Variants in APPBP2 observed in about 807,000 individuals in gnomAD.
The protein encoded by APPBP2 is amyloid protein-binding protein 2.
A neutral mutation model predicts 76.0 loss-of-function variants in APPBP2; 15 were observed. That is an observed-to-expected ratio of 0.20 (90% CI 0.13 to 0.30). APPBP2 has a LOEUF of 0.30. APPBP2 is among the 10% of genes least tolerant of loss of function. APPBP2 has a pLI of 1.00. For missense variants in APPBP2, 401 were observed against 687.2 expected, an observed-to-expected ratio of 0.58 and a Z score of 4.66; for synonymous variants, 222 against 242.2, an observed-to-expected ratio of 0.92 and a Z score of 0.77.
intron 12 of APPBP2, among the ~76,000 whole-genome samples, chr17:60,450,174 G>A (rs1166158612): frequency 2.0e-5 from 3 of 151,348 alleles, no homozygotes; most frequent in Admixed American, 6.6e-5. Flanking sequence ...GGTGGCTCAT[G>A]AGGCCTGTAA....
At chr17:60,451,768 C>T (rs528933353) in intron 12 of APPBP2, 112 bp downstream of exon 12, 13 of 960,062 alleles carry the variant, frequency 1.4e-5, no homozygotes, top group South Asian at 1.8e-5. Flanking sequence ...TATGAGCCAC[C>T]GCACCCAGCC....
intron 3 of APPBP2, among the ~76,000 whole-genome samples, chr17:60,493,645 T>C (rs1243131755): frequency 6.6e-5 from 8 of 121,646 alleles, no homozygotes; most frequent in African/African-American, 4.1e-4. Context: ...TTTTTTTTTC[T>C]TTTTTTTTTT....
At chr17:60,448,292 G>A (rs1567915926) in intron 12 of APPBP2, among the ~76,000 whole-genome samples, 2 of 152,056 alleles carry the variant, frequency 1.3e-5, no homozygotes, top group Admixed American at 6.6e-5. Flanking sequence ...GTGAATACCC[G>A]TCTCTACTAA....
chr17:60,489,080 G>A (rs2090704769), intron 3 of APPBP2, among the ~76,000 whole-genome samples: 1 of 151,926 alleles, frequency 6.6e-6, no homozygotes, highest in East Asian at 1.9e-4. Context: ...AAATTAGCTG[G>A]GTATGGTGGC....
At chr17:60,450,888 G>A (rs991009312) in intron 12 of APPBP2, among the ~76,000 whole-genome samples, 1 of 151,974 alleles carries the variant, frequency 6.6e-6, no homozygotes, top group Non-Finnish European at 1.5e-5. Flanking sequence ...TGTAACCAAC[G>A]AAGGTCTGTC....
At chr17:60,462,196 G>A (rs2090480571) in intron 6 of APPBP2, 135 bp from the exon 7 acceptor site, 1 of 692,086 alleles carries the variant, frequency 1.4e-6, no homozygotes, top group East Asian at 2.6e-5. Flanking sequence ...GGTTCTATTT[G>A]TAATTTCTTT....
intron 1 of APPBP2, chr17:60,513,468 G>T: frequency 1.7e-6 from 1 of 590,434 alleles, no homozygotes; most frequent in Non-Finnish European, 3.1e-6. Context: ...TGCCAACAGG[G>T]CATTTCAGAA....
intron 1 of APPBP2, among the ~76,000 whole-genome samples, chr17:60,516,025 G>C (rs898264882): frequency 6.6e-6 from 1 of 152,176 alleles, no homozygotes; most frequent in Non-Finnish European, 1.5e-5. Flanking sequence ...AATTAGCCAG[G>C]TGTGGTGGCA....
At chr17:60,500,130 G>A (rs1457653883) in intron 2 of APPBP2, among the ~76,000 whole-genome samples, 1 of 151,558 alleles carries the variant, frequency 6.6e-6, no homozygotes, top group Admixed American at 6.6e-5. Context: ...TCCTGCCTCA[G>A]CCTCCCAAGT....
chr17:60,502,623 G>C (rs145888249), intron 1 of APPBP2, among the ~76,000 whole-genome samples: 16 of 146,598 alleles, frequency 1.1e-4, no homozygotes, highest in Non-Finnish European at 2.1e-4. Context: ...GGAGGCCAAG[G>C]GGGGGTGGAT....
intron 12 of APPBP2, 56 bp from the exon 13 acceptor site, chr17:60,447,890 C>T: frequency 6.8e-7 from 1 of 1,474,050 alleles, no homozygotes; most frequent in Admixed American, 2.2e-5. Context: ...AGATAACAAG[C>T]AATTTCTATA....
chr17:60,524,536 A>C (rs373595486), intron 1 of APPBP2, among the ~76,000 whole-genome samples: 7 of 149,072 alleles, frequency 4.7e-5, no homozygotes, highest in African/African-American at 1.8e-4. Flanking sequence ...TAGGGGGGAA[A>C]CCCCACTTTA....
At chr17:60,498,649 A>G (rs573174797) in intron 2 of APPBP2, among the ~76,000 whole-genome samples, 48 of 152,268 alleles carry the variant, frequency 3.2e-4, no homozygotes, top group Middle Eastern at 3.4e-3. Flanking sequence ...TTCTCATAAA[A>G]CAATACTGGG....
rs1051260 is a variant in APPBP2 at position 60,460,713 on chromosome 17, G to C, written c.1011C>G (p.Ala337=). 2.5e-6 allele frequency: 4 copies of C among 1,613,568 alleles called. No individual in the cohort carries two copies. The African/African-American group carries it at 4.0e-5, about 16-fold the overall frequency. Residue 337 remains alanine (A), a synonymous_variant, in exon 9 of 13, where the codon GCC becomes GCG. Transcript: ENST00000083182. ...TATACTGGTGGACATAAGAAGAGTA[G>C]GCCAAATCTTCATGAGCTGTTGCTA... is the stretch of plus-strand genomic sequence containing the variant. ...IHVATAHEDL[A]YSSYVHQYSS... is the part of the protein sequence containing the mutation.
At chr17:60,486,878 A>G (rs375081112) in intron 3 of APPBP2, among the ~76,000 whole-genome samples, 3 of 152,142 alleles carry the variant, frequency 2.0e-5, no homozygotes, top group East Asian at 3.9e-4. Flanking sequence ...AGCTCTTGTA[A>G]GGCAGGCCTG....
At chr17:60,525,422 C>G (rs1001110277) in intron 1 of APPBP2, among the ~76,000 whole-genome samples, 3 of 152,048 alleles carry the variant, frequency 2.0e-5, no homozygotes, top group Non-Finnish European at 4.4e-5. Context: ...CCAGCTGATG[C>G]TGACACTTAA....
intron 12 of APPBP2, among the ~76,000 whole-genome samples, chr17:60,451,356 C>CA (rs900865485): frequency 1.3e-5 from 2 of 152,146 alleles, no homozygotes; most frequent in Middle Eastern, 3.4e-3. Flanking sequence ...GCTTCAGTAT[C>CA]AAAAAAAGCA....
chr17:60,460,456 C>T (rs928663323), intron 9 of APPBP2: 26 of 334,844 alleles, frequency 7.8e-5, no homozygotes, highest in South Asian at 5.8e-4. Context: ...GGATTACAGG[C>T]GGGAGCCTCT....
intron 3 of APPBP2, among the ~76,000 whole-genome samples, chr17:60,492,102 T>C (rs1468856906): frequency 1.3e-5 from 2 of 152,128 alleles, no homozygotes; most frequent in Non-Finnish European, 2.9e-5. Context: ...GCTTAGACCA[T>C]AGCTTCCAAG....
Sources: gnomAD v4.1 joint callset for allele counts (sites outside exome capture counted in the v4.1 genomes callset) on GRCh38, gnomAD v4.1.1 for gene constraint, MANE v1.5 for transcripts, NCBI Gene and HGNC (gene_info 2026-07-23, HGNC 2026-07-21) for gene names.